Variants in DLG2 observed in about 807,000 individuals in gnomAD.
The protein encoded by DLG2 is discs large MAGUK scaffold protein 2, also known as disks large homolog 2.
Under a neutral mutation model 132.5 loss-of-function variants are expected in DLG2, and 45 were observed. That is an observed-to-expected ratio of 0.34 (90% CI 0.27 to 0.44). The LOEUF (loss-of-function observed/expected upper bound fraction) is 0.44. DLG2 is among the 20% of genes least tolerant of loss of function. The pLI is 1.00. For missense variants in DLG2, 1,045 were observed against 1,196.9 expected, an observed-to-expected ratio of 0.87 and a Z score of 1.87; for synonymous variants, 424 against 419.6, an observed-to-expected ratio of 1.01 and a Z score of -0.13.
intron 6 of DLG2, among the ~76,000 whole-genome samples, chr11:84,806,730 C>T (rs971554812): frequency 4.7e-4 from 72 of 152,050 alleles, no homozygotes; most frequent in Non-Finnish European, 6.9e-4. Context: ...AAGAATGCTT[C>T]GAACATCAAA....
chr11:84,403,985 AT>A (rs768529831), intron 7 of DLG2, among the ~76,000 whole-genome samples: 7 of 152,080 alleles, frequency 4.6e-5, no homozygotes, highest in African/African-American at 7.2e-5. Context: ...TTTATCTAAT[AT>A]TTTTATATCA....
intron 6 of DLG2, among the ~76,000 whole-genome samples, chr11:85,093,620 C>T (rs1180138174): frequency 2.6e-5 from 4 of 152,180 alleles, no homozygotes; most frequent in African/African-American, 9.7e-5. Context: ...CGTGTCTTAC[C>T]TGGTGACAGG....
intron 7 of DLG2, among the ~76,000 whole-genome samples, chr11:84,394,796 A>G (rs2098805544): frequency 6.6e-6 from 1 of 151,886 alleles, no homozygotes; most frequent in Admixed American, 6.6e-5. Context: ...TAATTTTTGT[A>G]TTTTCAGTAG....
At chr11:84,731,041 T>G (rs2063092008) in intron 6 of DLG2, among the ~76,000 whole-genome samples, 1 of 152,072 alleles carries the variant, frequency 6.6e-6, no homozygotes, top group Non-Finnish European at 1.5e-5. Flanking sequence ...TTGTTTAAAA[T>G]AAGATTGTTA....
intron 17 of DLG2, among the ~76,000 whole-genome samples, chr11:83,795,820 T>C (rs1392009361): frequency 6.6e-6 from 1 of 152,344 alleles, no homozygotes; most frequent in Non-Finnish European, 1.5e-5. Flanking sequence ...CTTGTGATCT[T>C]CTTCAACCCC....
At position 84,177,947 on chromosome 11, in the gene DLG2, C is replaced by G. The variant is rs149929992; in HGVS notation, c.574-14436G>C. ...ACTGGGCAGAAATTGCCAACAATAG[C>G]CATTTCTGGACTTTGAAAACTGACT... On this transcript the variant is annotated intron_variant, in intron 8 of 27. Transcript: ENST00000376104. 3.4e-4 allele frequency among the ~76,000 whole-genome samples: 52 copies of G among 152,042 alleles called. No individual in the cohort carries two copies. The East Asian group carries it at 9.5e-3, about 28-fold the overall frequency.
chr11:84,697,309 T>C lies in DLG2; in HGVS notation c.358-162578A>G, dbSNP rs559181833. On this transcript the variant is annotated intron_variant, in intron 6 of 27. Transcript: ENST00000376104. The stretch of plus-strand genomic sequence containing the variant: ...TCTAATATGACAAGCCAACATCTTA[T>C]GGCATAAACCTATTCATCCTAGCCG... Among the ~76,000 whole-genome samples, 3 of 151,596 alleles carry C rather than the reference T, an allele frequency of 2.0e-5. No homozygotes were observed. The East Asian group carries it at 5.8e-4, about 30-fold the overall frequency.
chr11:84,400,698 C>G (rs1042857766), intron 7 of DLG2, among the ~76,000 whole-genome samples: 2 of 152,054 alleles, frequency 1.3e-5, no homozygotes, highest in Non-Finnish European at 2.9e-5. Flanking sequence ...CTTTCTTGTT[C>G]AAATTATTGG....
intron 19 of DLG2, among the ~76,000 whole-genome samples, chr11:83,620,869 C>CAAAA (rs56868518): frequency 0.023 from 1,333 of 57,036 alleles, 142 homozygotes; most frequent in Non-Finnish European, 0.028. Context: ...GACTCCGTCT[C>CAAAA]AAAAAAAAAA....
intron 14 of DLG2, 77 bp downstream of exon 14, chr11:83,962,808 A>G: frequency 6.4e-7 from 1 of 1,557,488 alleles, no homozygotes; most frequent in Non-Finnish European, 8.8e-7. Context: ...ATCCAAAACA[A>G]CACCTGACAT....
chr11:85,484,350 T>C (rs1338058527), intron 3 of DLG2, among the ~76,000 whole-genome samples: 2 of 148,310 alleles, frequency 1.3e-5, no homozygotes, highest in Admixed American at 6.7e-5. Flanking sequence ...AATTGACAAA[T>C]GGGATCTAAT....
At chr11:84,083,770 C>G (rs1453950665) in intron 10 of DLG2, among the ~76,000 whole-genome samples, 3 of 152,208 alleles carry the variant, frequency 2.0e-5, no homozygotes, top group African/African-American at 7.2e-5. Flanking sequence ...AACTTCTTTT[C>G]TTTATAAATT....
At chr11:83,588,623 G>T (rs2097134085) in intron 19 of DLG2, among the ~76,000 whole-genome samples, 1 of 151,444 alleles carries the variant, frequency 6.6e-6, no homozygotes, top group African/African-American at 2.4e-5. Context: ...ACCAGCAACG[G>T]AACAAAGCTG....
chr11:84,081,447 A>G (rs982442345), intron 10 of DLG2, among the ~76,000 whole-genome samples: 4 of 151,846 alleles, frequency 2.6e-5, no homozygotes, highest in Admixed American at 1.3e-4. Flanking sequence ...AAAAGAAAAA[A>G]AAAAGTAACA....
At chr11:84,545,666 C>T (rs2099388169) in intron 6 of DLG2, 1 of 286,174 alleles carries the variant, frequency 3.5e-6, no homozygotes, top group African/African-American at 2.3e-5. Flanking sequence ...GGCAAAATCC[C>T]TTTGCTTGCC....
intron 19 of DLG2, among the ~76,000 whole-genome samples, chr11:83,571,704 A>C (rs945182519): frequency 4.6e-5 from 7 of 152,142 alleles, no homozygotes; most frequent in Admixed American, 4.6e-4. Context: ...GAGCGGACTG[A>C]AACTGTTCAT....
chr11:83,939,166 T>C (rs79774850), intron 14 of DLG2, among the ~76,000 whole-genome samples: 4,380 of 152,318 alleles, frequency 0.029, 123 homozygotes, highest in East Asian at 0.15. Context: ...TACACCTTTT[T>C]GAGTAAACCA....
At chr11:84,870,305 G>T (rs1438151571) in intron 6 of DLG2, among the ~76,000 whole-genome samples, 2 of 152,160 alleles carry the variant, frequency 1.3e-5, no homozygotes, top group African/African-American at 4.8e-5. Context: ...ACCAGGATGA[G>T]AACAATTAGA....
At chr11:85,251,229 C>G (rs1371822264) in intron 4 of DLG2, among the ~76,000 whole-genome samples, 1 of 152,144 alleles carries the variant, frequency 6.6e-6, no homozygotes, top group Non-Finnish European at 1.5e-5. Flanking sequence ...GAATTAAAAG[C>G]TAGTCTGTGG....
Sources: gnomAD v4.1 joint callset for allele counts (sites outside exome capture counted in the v4.1 genomes callset) on GRCh38, gnomAD v4.1.1 for gene constraint, MANE v1.5 for transcripts, NCBI Gene and HGNC (gene_info 2026-07-23, HGNC 2026-07-21) for gene names.